Variants in PTPRK observed in about 807,000 individuals in gnomAD.
PTPRK encodes protein tyrosine phosphatase receptor type K, also known as receptor-type tyrosine-protein phosphatase kappa.
A neutral mutation model predicts 178.0 loss-of-function variants in PTPRK; 75 were observed. The ratio of observed to expected loss-of-function variants is 0.42; its 90% CI spans 0.35 to 0.51. PTPRK has a LOEUF of 0.51. Among genes scored for constraint, PTPRK ranks in the 20% least tolerant of loss-of-function variants. PTPRK has a pLI of 0.02. For synonymous variants in PTPRK, 637 were observed against 620.6 expected (o/e 1.03, Z -0.39); for missense variants, 1,441 against 1,797.8 (o/e 0.80, Z 3.59).
chr6:128,089,914 C>G lies in PTPRK; in HGVS notation c.1241G>C (p.Gly414Ala), dbSNP rs753765707. ...RRIAVDWESL[G>A]YNITRCHTFN... ...AGTGTGGCAACGCGTAATGTTGTAA[C>G]CCAAGGATTCCCAGTCCACAGCAAT... Residue 414 changes from glycine to alanine, a missense_variant, in exon 8 of 30, where the codon GGT (glycine) becomes GCT (alanine). By Grantham distance (60) the Gly-to-Ala change is moderately conservative. Transcript: ENST00000368226. 6.2e-7 allele frequency: 1 copy of G among 1,611,814 alleles called. No homozygotes were observed. The highest frequency in any genetic ancestry group is 8.5e-7 in the Non-Finnish European group (1 of 1,178,020).
At chr6:128,092,647 T>C (rs954929853) in intron 7 of PTPRK, among the ~76,000 whole-genome samples, 1 of 152,160 alleles carries the variant, frequency 6.6e-6, no homozygotes, top group African/African-American at 2.4e-5. Context: ...CACTTAGACA[T>C]GGGCTGATAA....
intron 1 of PTPRK, among the ~76,000 whole-genome samples, chr6:128,507,690 G>A (rs564773295): frequency 6.6e-6 from 1 of 152,248 alleles, no homozygotes; most frequent in South Asian, 2.1e-4. Context: ...AGCAGCTGCA[G>A]GTCAGAGCAA....
chr6:128,034,408 A>G (rs1162921598), intron 13 of PTPRK, among the ~76,000 whole-genome samples: 2 of 152,278 alleles, frequency 1.3e-5, no homozygotes, highest in African/African-American at 4.8e-5. Flanking sequence ...CTAAGGAAAA[A>G]GAATCCGTAA....
chr6:128,392,117 A>G (rs1256028270), intron 2 of PTPRK, among the ~76,000 whole-genome samples: 1 of 152,078 alleles, frequency 6.6e-6, no homozygotes, highest in Non-Finnish European at 1.5e-5. Context: ...CTTTCTGTAT[A>G]CCACCTGGCT....
chr6:128,240,986 A>T (rs1371925487), intron 4 of PTPRK, among the ~76,000 whole-genome samples: 2 of 152,222 alleles, frequency 1.3e-5, no homozygotes, highest in African/African-American at 4.8e-5. Context: ...GTTGTGCTCA[A>T]TCCACCATTT....
Position 128,466,261 on chromosome 6 carries a change from T to C in PTPRK, c.100+53998A>G, listed in dbSNP as rs535184082. ...AATGCCACAATTACAGATAAAGAAA[T>C]CTAATAGAAGAAAAAACACACTGGA... On this transcript the variant is annotated intron_variant, in intron 1 of 29. Transcript: ENST00000368226. Among the ~76,000 whole-genome samples the C allele has an allele frequency of 9.2e-5, 14 of 152,286 alleles. No individual in the cohort carries two copies. The South Asian group carries it at 2.5e-3, about 27-fold the overall frequency.
intron 3 of PTPRK, among the ~76,000 whole-genome samples, chr6:128,261,936 T>A (rs956473490): frequency 2.0e-5 from 3 of 152,144 alleles, no homozygotes; most frequent in African/African-American, 7.2e-5. Context: ...GGCCCTTACA[T>A]GGTGGGCTAA....
chr6:128,373,295 T>C (rs1376024195), intron 2 of PTPRK, among the ~76,000 whole-genome samples: 1 of 152,226 alleles, frequency 6.6e-6, no homozygotes, highest in Non-Finnish European at 1.5e-5. Context: ...CACAGATGCA[T>C]ATGCAATAAT....
At chr6:128,040,675 A>G (rs2114834355) in intron 13 of PTPRK, among the ~76,000 whole-genome samples, 1 of 152,252 alleles carries the variant, frequency 6.6e-6, no homozygotes, top group South Asian at 2.1e-4. Flanking sequence ...TAATACTCAT[A>G]CTGTAAGGCT....
At chr6:128,405,223 T>C (rs1841513820) in intron 1 of PTPRK, among the ~76,000 whole-genome samples, 1 of 152,222 alleles carries the variant, frequency 6.6e-6, no homozygotes, top group Non-Finnish European at 1.5e-5. Flanking sequence ...TCATTAACAC[T>C]ATACTATCAC....
chr6:128,295,261 C>A (rs1163146450), intron 3 of PTPRK, among the ~76,000 whole-genome samples: 1 of 152,032 alleles, frequency 6.6e-6, no homozygotes, highest in African/African-American at 2.4e-5. Context: ...AGTGTAAAAA[C>A]CACTATTGGA....
In PTPRK at chr6:128,450,119, C is replaced by CA. The variant is rs546499574; in HGVS notation, c.101-52432dup. On this transcript the variant is annotated intron_variant, in intron 1 of 29. Transcript: ENST00000368226. ...GGTGACAAAGCAAGACGCATCTCAA[C>CA]AAAAAAAAAAAAAGAAGGAAAAGAA... Among the ~76,000 whole-genome samples the CA allele has an allele frequency of 8.1e-3, 733 of 90,444 alleles. 6 individuals are homozygous for CA. Among genetic ancestry groups the CA allele is most frequent in the South Asian group, 0.066 (209 of 3,148 alleles). 59.3% of individuals were successfully genotyped at this position (90,444 alleles called of 152,430 possible).
chr6:128,319,174 T>A (rs1465506258), intron 3 of PTPRK, among the ~76,000 whole-genome samples: 1 of 152,184 alleles, frequency 6.6e-6, no homozygotes, highest in Non-Finnish European at 1.5e-5. Flanking sequence ...GACAAAAGAA[T>A]TCTAGTCTCA....
At chr6:128,454,539 T>G (rs1310485872) in intron 1 of PTPRK, among the ~76,000 whole-genome samples, 1 of 152,222 alleles carries the variant, frequency 6.6e-6, no homozygotes, top group East Asian at 1.9e-4. Flanking sequence ...CATTTTCAAG[T>G]GTACAACGCA....
chr6:128,043,718 T>C (rs1476874908), intron 13 of PTPRK, among the ~76,000 whole-genome samples: 1 of 151,952 alleles, frequency 6.6e-6, no homozygotes, highest in African/African-American at 2.4e-5. Flanking sequence ...GTTATCAATA[T>C]ATAGAATCTG....
At chr6:128,235,778 C>G (rs1813137695) in intron 5 of PTPRK, among the ~76,000 whole-genome samples, 5 of 152,000 alleles carry the variant, frequency 3.3e-5, no homozygotes, top group Admixed American at 3.3e-4. Context: ...TAGCCCCAAG[C>G]AGATGAACCT....
chr6:128,420,989 T>C (rs1456462392), intron 1 of PTPRK, among the ~76,000 whole-genome samples: 2 of 152,252 alleles, frequency 1.3e-5, no homozygotes, highest in Non-Finnish European at 2.9e-5. Context: ...TTATATGTTA[T>C]TGTTTGCCAG....
chr6:128,058,604 T>C (rs945000384), intron 13 of PTPRK, among the ~76,000 whole-genome samples: 7 of 152,154 alleles, frequency 4.6e-5, no homozygotes, highest in Admixed American at 1.3e-4. Context: ...TATTTTACTC[T>C]CATAATGGCA....
chr6:128,013,869 C>T (rs1381479102), intron 13 of PTPRK, among the ~76,000 whole-genome samples: 2 of 151,478 alleles, frequency 1.3e-5, no homozygotes, highest in African/African-American at 4.8e-5. Flanking sequence ...CCTGTTCCAC[C>T]TCAAAACCCA....
Sources: gnomAD v4.1 joint callset for allele counts (sites outside exome capture counted in the v4.1 genomes callset) on GRCh38, gnomAD v4.1.1 for gene constraint, MANE v1.5 for transcripts, NCBI Gene and HGNC (gene_info 2026-07-23, HGNC 2026-07-21) for gene names.